The following ROBO1 variants were observed in gnomAD, a reference collection of about 807,000 sequenced individuals.
ROBO1 encodes roundabout homolog 1.
Under a neutral mutation model 195.9 loss-of-function variants are expected in ROBO1, and 149 were observed. The ratio of observed to expected loss-of-function variants is 0.76; its 90% confidence interval spans 0.67 to 0.87. ROBO1 has a LOEUF of 0.87. Among genes scored for constraint, ROBO1 ranks in the 40% least tolerant of loss-of-function variants. ROBO1 has a pLI of 0.00. For missense variants in ROBO1, 1,933 were observed against 2,068.3 expected (o/e 0.93, Z 1.27); for synonymous variants, 816 against 733.2 (o/e 1.11, Z -1.82).
chr3:79,707,577 C>T (rs757411588), intron 1 of ROBO1, among the ~76,000 whole-genome samples: 52 of 152,108 alleles, frequency 3.4e-4, no homozygotes, highest in Non-Finnish European at 5.7e-4. Context: ...GGTGCAATCT[C>T]GGCTCACTTC....
At chr3:78,988,020 C>T (rs570958737) in intron 3 of ROBO1, among the ~76,000 whole-genome samples, 22 of 152,060 alleles carry the variant, frequency 1.4e-4, no homozygotes, top group Non-Finnish European at 2.5e-4. Flanking sequence ...GTTTTCTACA[C>T]GCAATGTATA....
In ROBO1 at chr3:78,640,639, T is replaced by A. The variant is rs1705882177; in HGVS notation, c.2883-741A>T. On this transcript the variant is annotated intron_variant, in intron 21 of 30. Transcript: ENST00000464233. ...GATGCTATTCCTCTTTTACTGTGCATTGGGAATGCCAAGTACATCAGCGAT... is the reference window on the plus strand; with the variant it reads ...GATGCTATTCCTCTTTTACTGTGCAATGGGAATGCCAAGTACATCAGCGAT... 5.9e-5 allele frequency among the ~76,000 whole-genome samples: 9 copies of A among 152,220 alleles called. No individual in the cohort carries two copies. The South Asian group carries it at 1.9e-3, about 32-fold the overall frequency.
At chr3:78,711,426 T>C (rs1449959504) in intron 8 of ROBO1, among the ~76,000 whole-genome samples, 2 of 116,908 alleles carry the variant, frequency 1.7e-5, no homozygotes, top group African/African-American at 7.5e-5. Context: ...TTTCTTTCTT[T>C]CTTTCTTTCT....
chr3:79,447,465 T>C lies in ROBO1; in HGVS notation c.88+142359A>G, dbSNP rs564535909. On this transcript the variant is annotated intron_variant, in intron 2 of 30. Coordinates refer to ENST00000464233, the MANE Select transcript of ROBO1 (RefSeq NM_002941.4). ...GCTTCTACCTGAATGAAACAAGTGG[T>C]ATCGAAAAAAGGATTCAAGTGCTGG... Among the ~76,000 whole-genome samples the C allele has an allele frequency of 2.0e-5, 3 of 152,256 alleles. No individual in the cohort carries two copies. In the South Asian group the frequency reaches 6.2e-4, roughly 32 times the overall value.
At chr3:79,073,569 T>C (rs1428895824) in intron 3 of ROBO1, among the ~76,000 whole-genome samples, 6 of 151,762 alleles carry the variant, frequency 4.0e-5, no homozygotes, top group Non-Finnish European at 8.8e-5. Context: ...GAGGATGAGA[T>C]TATGGACAGT....
intron 4 of ROBO1, among the ~76,000 whole-genome samples, chr3:78,828,720 C>T (rs919216644): frequency 3.3e-5 from 5 of 152,132 alleles, no homozygotes; most frequent in African/African-American, 1.2e-4. Context: ...TCAAGACAAG[C>T]AAACTGTTGC....
intron 4 of ROBO1, among the ~76,000 whole-genome samples, chr3:78,899,343 A>G: frequency 6.6e-6 from 1 of 152,158 alleles, no homozygotes; most frequent in East Asian, 1.9e-4. Context: ...AACTATTATA[A>G]TCTGATTAGG....
chr3:79,668,437 A>G (rs1946535698), intron 1 of ROBO1, among the ~76,000 whole-genome samples: 1 of 146,486 alleles, frequency 6.8e-6, no homozygotes, highest in African/African-American at 2.5e-5. Context: ...AAAAAAAAAC[A>G]GTGAAAGAAT....
chr3:79,622,626 G>A (rs1490571364), intron 1 of ROBO1, among the ~76,000 whole-genome samples: 2 of 152,198 alleles, frequency 1.3e-5, no homozygotes, highest in Non-Finnish European at 2.9e-5. Flanking sequence ...ATTGGGTTGG[G>A]CTTCCCTGCA....
chr3:79,290,178 A>G (rs1240962455), intron 2 of ROBO1, among the ~76,000 whole-genome samples: 1 of 152,012 alleles, frequency 6.6e-6, no homozygotes, highest in East Asian at 1.9e-4. Flanking sequence ...AGCTGGGAGT[A>G]GTCCGCCACC....
intron 4 of ROBO1, among the ~76,000 whole-genome samples, chr3:78,926,342 T>C (rs920810144): frequency 6.6e-6 from 1 of 152,158 alleles, no homozygotes; most frequent in Non-Finnish European, 1.5e-5. Flanking sequence ...AAGAGTATTA[T>C]AGTTACTAAG....
chr3:79,035,082 G>A (rs1190545084), intron 3 of ROBO1, among the ~76,000 whole-genome samples: 1 of 151,924 alleles, frequency 6.6e-6, no homozygotes, highest in Admixed American at 6.6e-5. Context: ...AATAGCAATC[G>A]TTGGTATCTT....
At chr3:79,213,127 C>T (rs905489618) in intron 2 of ROBO1, among the ~76,000 whole-genome samples, 10 of 151,814 alleles carry the variant, frequency 6.6e-5, no homozygotes, top group Non-Finnish European at 1.3e-4. Flanking sequence ...ACCTGTAGTC[C>T]CAGCTACACT....
At chr3:79,145,934 G>T (rs1018427005) in intron 2 of ROBO1, among the ~76,000 whole-genome samples, 8 of 151,840 alleles carry the variant, frequency 5.3e-5, no homozygotes, top group Non-Finnish European at 1.0e-4. Context: ...GATGTGATTA[G>T]AGATTACTTA....
chr3:78,847,018 G>A (rs563311813), intron 4 of ROBO1, among the ~76,000 whole-genome samples: 21 of 152,190 alleles, frequency 1.4e-4, no homozygotes, highest in African/African-American at 4.6e-4. Context: ...TGGAGAAGGC[G>A]ATAATGCTGT....
chr3:78,821,457 C>T (rs943393257), intron 4 of ROBO1, among the ~76,000 whole-genome samples: 6 of 152,114 alleles, frequency 3.9e-5, no homozygotes, highest in Admixed American at 1.3e-4. Context: ...AGCCACTGTG[C>T]CCAGCCGATA....
intron 2 of ROBO1, among the ~76,000 whole-genome samples, chr3:79,510,585 G>T (rs1940651944): frequency 6.7e-6 from 1 of 150,150 alleles, no homozygotes; most frequent in South Asian, 2.1e-4. Context: ...CAAGTTGGAG[G>T]ATATTTTAAA....
intron 3 of ROBO1, among the ~76,000 whole-genome samples, chr3:79,084,414 C>A (rs1402677236): frequency 6.6e-6 from 1 of 152,136 alleles, no homozygotes; most frequent in Non-Finnish European, 1.5e-5. Context: ...AGGAGAATAG[C>A]ATGAACCCAG....
intron 3 of ROBO1, among the ~76,000 whole-genome samples, chr3:79,052,064 A>T (rs2078710243): frequency 6.6e-6 from 1 of 152,102 alleles, no homozygotes; most frequent in Admixed American, 6.6e-5. Flanking sequence ...ACGGGAGATA[A>T]CCGTAAGGTC....
Sources: gnomAD v4.1 joint callset for allele counts (sites outside exome capture counted in the v4.1 genomes callset) on GRCh38, gnomAD v4.1.1 for gene constraint, MANE v1.5 for transcripts, NCBI Gene and HGNC (gene_info 2026-07-23, HGNC 2026-07-21) for gene names.